Variants in PRKD2 observed in about 807,000 individuals in gnomAD.
PRKD2 encodes protein kinase D2.
Under a neutral mutation model 86.0 loss-of-function variants are expected in PRKD2, and 22 were observed. The ratio of observed to expected loss-of-function variants is 0.26; its 90% CI spans 0.18 to 0.37. The LOEUF (loss-of-function observed/expected upper bound fraction) is 0.37. PRKD2 is among the 10% of genes least tolerant of loss of function. The pLI, the probability that PRKD2 is intolerant of heterozygous loss-of-function variation, is 1.00. For synonymous variants in PRKD2, 509 were observed against 510.9 expected (o/e 1.00, Z 0.05); for missense variants, 818 against 1,199.2 (o/e 0.68, Z 4.70).
At chr19:46,703,418 G>C (rs1229236967) in intron 5 of PRKD2, among the ~76,000 whole-genome samples, 1 of 151,864 alleles carries the variant, frequency 6.6e-6, no homozygotes, top group Non-Finnish European at 1.5e-5. Flanking sequence ...CTTGAGCCCA[G>C]GAGTTCAAGA....
intron 3 of PRKD2, among the ~76,000 whole-genome samples, chr19:46,709,817 A>G (rs1051955680): frequency 1.3e-5 from 2 of 152,204 alleles, no homozygotes; most frequent in African/African-American, 4.8e-5. Flanking sequence ...CCACCTGTGG[A>G]CATCAGCTTC....
chr19:46,695,492 C>T (rs923797224), intron 9 of PRKD2, among the ~76,000 whole-genome samples: 4 of 152,126 alleles, frequency 2.6e-5, no homozygotes, highest in African/African-American at 7.2e-5. Flanking sequence ...CAAAAATAAA[C>T]GTTTGATAAT....
chr19:46,714,487 G>GGGGGT (rs111429692), intron 1 of PRKD2: 1 of 148,012 alleles, frequency 6.8e-6, no homozygotes, highest in Non-Finnish European at 1.5e-5. Flanking sequence ...TGGGGGGGGG[G>GGGGGT]GCCGGGGGAC....
rs567092336 is a variant in PRKD2, at chr19:46,678,951, T to C, written c.2071-288A>G. ...CCACAGGACAATATTTGGCATTCAG[T>C]TGGTGCACAATAAATGCTAGCTGCT... is the stretch of plus-strand genomic sequence containing the variant. On this transcript the variant is annotated intron_variant, in intron 15 of 17. Coordinates refer to ENST00000291281, the MANE Select transcript of PRKD2 (RefSeq NM_016457.5). The surrounding 1 kb of genome is among the most constrained non-coding windows in gnomAD (Gnocchi z 5.7). 9.2e-5 allele frequency among the ~76,000 whole-genome samples: 14 copies of C among 152,322 alleles called. No individual in the cohort carries two copies. The highest frequency in any genetic ancestry group is 8.5e-4 in the Admixed American group (13 of 15,278).
At chr19:46,701,286 C>T (rs1159685678) in intron 5 of PRKD2, among the ~76,000 whole-genome samples, 174 bp from the exon 6 acceptor site, 2 of 151,834 alleles carry the variant, frequency 1.3e-5, no homozygotes, top group African/African-American at 4.8e-5. Flanking sequence ...GTTTTCCCAA[C>T]CATCGGGGGG....
intron 2 of PRKD2, among the ~76,000 whole-genome samples, chr19:46,712,433 C>T (rs763685430): frequency 2.6e-5 from 4 of 151,632 alleles, no homozygotes; most frequent in Middle Eastern, 3.2e-3. Context: ...CCCAGCTACT[C>T]GGGAGGCTGA....
intron 3 of PRKD2, among the ~76,000 whole-genome samples, chr19:46,704,851 T>C (rs2122754918): frequency 6.6e-6 from 1 of 151,720 alleles, no homozygotes; most frequent in Middle Eastern, 3.4e-3. Context: ...CTGCCCCAAG[T>C]TCCAGCTTGT....
intron 3 of PRKD2, among the ~76,000 whole-genome samples, chr19:46,707,513 C>A (rs570097523): frequency 4.6e-5 from 7 of 151,998 alleles, no homozygotes; most frequent in Non-Finnish European, 1.0e-4. Flanking sequence ...TTGCTTGAAC[C>A]CAGGAGGTAG....
chr19:46,677,915 C>T (rs1159379781), intron 16 of PRKD2, among the ~76,000 whole-genome samples: 1 of 152,214 alleles, frequency 6.6e-6, no homozygotes, highest in African/African-American at 2.4e-5. Context: ...GGCCCCAGTA[C>T]ACAGCAAAGT....
intron 13 of PRKD2, 136 bp downstream of exon 13, chr19:46,690,464 T>C: frequency 1.4e-6 from 1 of 723,056 alleles, no homozygotes; most frequent in Non-Finnish European, 2.4e-6. Flanking sequence ...CTGGTCCCTC[T>C]GCTAAGAACA....
intron 7 of PRKD2, 95 bp downstream of exon 7, chr19:46,700,704 T>G: frequency 6.9e-7 from 1 of 1,442,726 alleles, no homozygotes; most frequent in Non-Finnish European, 9.3e-7. Context: ...TTTATAAATA[T>G]GAGGTGATGT....
chr19:46,704,799 G>T, intron 3 of PRKD2, 150 bp from the exon 4 acceptor site: 2 of 1,070,010 alleles, frequency 1.9e-6, no homozygotes, highest in South Asian at 1.7e-5. Context: ...ACTACTATCC[G>T]TAAGTGTATC....
Position 46,693,968 on chromosome 19 carries a change from C to T in PRKD2, c.1483G>A (p.Glu495Lys), listed in dbSNP as rs2053519993. 6.2e-7 allele frequency: 1 copy of T among 1,612,734 alleles called. No homozygotes were observed. Among genetic ancestry groups the T allele is most frequent in the Admixed American group, 1.7e-5 (1 of 59,988 alleles). ...GCTGTCTCCCAGCCCCGGGCGGCCT[C>T]AGCCCCCTGCCCACTTGGCCCACCC... is the stretch of plus-strand genomic sequence containing the variant. ...TPGGPSGQGA[E>K]AARGWETAIR... The change falls in exon 10 of 18, where the codon GAG (glutamate) becomes AAG (lysine). Residue 495 changes from glutamate to lysine, a missense_variant. Transcript: ENST00000291281. This position sits in a 1 kb window ranked among gnomAD's most constrained non-coding sequence, Gnocchi z 4.5.
intron 14 of PRKD2, 73 bp downstream of exon 14, chr19:46,689,464 C>A: frequency 1.3e-6 from 2 of 1,500,306 alleles, no homozygotes; most frequent in Admixed American, 2.0e-5. Flanking sequence ...GCTTGACCCC[C>A]TAGGCATACA....
At chr19:46,696,245 C>T (rs774608511) in intron 9 of PRKD2, among the ~76,000 whole-genome samples, 11 of 152,074 alleles carry the variant, frequency 7.2e-5, no homozygotes, top group Non-Finnish European at 1.2e-4. Flanking sequence ...CAGCTGGAGT[C>T]CAGGTTTTAT....
intron 5 of PRKD2, among the ~76,000 whole-genome samples, chr19:46,703,001 T>C (rs1219752865): frequency 6.6e-6 from 1 of 152,160 alleles, no homozygotes; most frequent in Non-Finnish European, 1.5e-5. Context: ...ATTCTAGAAT[T>C]TGATTGTTCA....
At chr19:46,681,537 A>G (rs1169240238) in intron 15 of PRKD2, 113 bp downstream of exon 15, 8 of 738,554 alleles carry the variant, frequency 1.1e-5, no homozygotes, top group Non-Finnish European at 1.8e-5. Flanking sequence ...ATTACAGGCA[A>G]GAGCCACTGT....
chr19:46,675,042 G>T lies in PRKD2; in HGVS notation c.2415C>A (p.Pro805=). The change falls in exon 17 of 18, where the codon CCC becomes CCA. Residue 805 remains proline, a synonymous_variant. Transcript: ENST00000291281. ...CTGCCCCCTGCATCACCTGTAACCA[G>T]GGGTGGCTGAGAGATTTGTCCACGC... ...RYSVDKSLSH[P]WLQEYQTWLD... 6.2e-7 allele frequency: 1 copy of T among 1,608,262 alleles called. No individual in the cohort carries two copies. Among genetic ancestry groups the T allele is most frequent in the East Asian group, 2.2e-5 (1 of 44,852 alleles).
At chr19:46,705,479 T>C (rs2053701537) in intron 3 of PRKD2, among the ~76,000 whole-genome samples, 1 of 152,100 alleles carries the variant, frequency 6.6e-6, no homozygotes, top group African/African-American at 2.4e-5. Context: ...AATCCCTAAG[T>C]AGTGTGATTA....
Sources: gnomAD v4.1 joint callset for allele counts (sites outside exome capture counted in the v4.1 genomes callset) on GRCh38, gnomAD v4.1.1 for gene constraint, Gnocchi (gnomAD v3.1) non-coding constraint, MANE v1.5 for transcripts, NCBI Gene and HGNC (gene_info 2026-07-23, HGNC 2026-07-21) for gene names.